PLCE1: variants seen among roughly 807,000 people sequenced by gnomAD.
The protein encoded by PLCE1 is 1-phosphatidylinositol 4,5-bisphosphate phosphodiesterase epsilon-1.
PLCE1 carries 119 observed loss-of-function variants against 242.8 expected under a neutral mutation model. The ratio of observed to expected loss-of-function variants is 0.49; its 90% CI spans 0.42 to 0.57. The LOEUF is 0.57. Ranked by LOEUF, PLCE1 falls within the 20% of genes least tolerant of loss-of-function variation. PLCE1 has a pLI of 0.00. For synonymous variants in PLCE1, 945 were observed against 1,017.4 expected (o/e 0.93, Z 1.35); for missense variants, 2,441 against 2,788.8 (o/e 0.88, Z 2.81).
Position 94,265,882 on chromosome 10 carries a change from A to T in PLCE1, c.4205A>T (p.Tyr1402Phe). The T allele has an allele frequency of 6.2e-7, 1 of 1,614,044 alleles. No homozygotes were observed. Among genetic ancestry groups the T allele is most frequent in the Non-Finnish European group, 8.5e-7 (1 of 1,179,910 alleles). Residue 1402 changes from tyrosine (Y) to phenylalanine (F), a missense_variant, in exon 16 of 33, where the codon TAC becomes TTC. Transcript: ENST00000371380. Reference sequence around the variant, plus strand: ...CTGCAGCTACCCCTCTCATACTATTACATCGAATCTTCGCACAATACCTAC... The same window carrying T: ...CTGCAGCTACCCCTCTCATACTATTTCATCGAATCTTCGCACAATACCTAC... ...KELQLPLSYY[Y>F]IESSHNTYLT...
intron 1 of PLCE1, among the ~76,000 whole-genome samples, chr10:94,026,331 A>G (rs186346338): frequency 6.6e-6 from 1 of 152,234 alleles, no homozygotes; most frequent in African/African-American, 2.4e-5. Flanking sequence ...GATTGGACAT[A>G]CTATCTTGAC....
In PLCE1 at chr10:94,322,009, A is replaced by G; in HGVS notation, c.6451A>G (p.Thr2151Ala). ...VHDVSPEQPR[T>A]VIKAPRVSTA... ...TGATGTTTCTCCAGAGCAACCTCGA[A>G]CAGTCATCAAAGCACCCCGCGTCAG... is the stretch of plus-strand genomic sequence containing the variant. The change falls in exon 30 of 33, where the codon ACA (threonine) becomes GCA (alanine). Residue 2151 changes from threonine (T) to alanine (A), a missense_variant. Coordinates refer to ENST00000371380, the MANE Select transcript of PLCE1 (RefSeq NM_016341.4). The G allele has an allele frequency of 1.2e-6, 2 of 1,614,144 alleles. No homozygotes were observed. Among genetic ancestry groups the G allele is most frequent in the Non-Finnish European group, 1.7e-6 (2 of 1,179,994 alleles).
At chr10:94,139,980 T>C (rs1007543570) in intron 3 of PLCE1, among the ~76,000 whole-genome samples, 5 of 152,176 alleles carry the variant, frequency 3.3e-5, no homozygotes, top group Admixed American at 6.5e-5. Context: ...CAGGTGCAGA[T>C]TGGTAGTCTA....
At chr10:94,165,439 A>T (rs2047765649) in intron 3 of PLCE1, among the ~76,000 whole-genome samples, 1 of 152,196 alleles carries the variant, frequency 6.6e-6, no homozygotes. Flanking sequence ...CAGGCGTGGG[A>T]TACAATCTCC....
chr10:94,089,290 G>T (rs1230196396), intron 2 of PLCE1: 3 of 1,613,908 alleles, frequency 1.9e-6, no homozygotes, highest in South Asian at 1.1e-5. Context: ...TGTCTTGAAG[G>T]TTGGTTGGCT....
At chr10:94,002,778 C>A (rs1016550883) in intron 1 of PLCE1, among the ~76,000 whole-genome samples, 6 of 152,098 alleles carry the variant, frequency 3.9e-5, no homozygotes, top group Non-Finnish European at 8.8e-5. Context: ...AGCTGGGGAG[C>A]AGTAGAATGG....
At chr10:94,173,252 G>A (rs1160899300) in intron 4 of PLCE1, among the ~76,000 whole-genome samples, 3 of 152,172 alleles carry the variant, frequency 2.0e-5, no homozygotes, top group Non-Finnish European at 2.9e-5. Context: ...GATTGCACTG[G>A]GGGGTGGTGC....
rs2051502467 is a variant in PLCE1 at position 94,266,032 on chromosome 10, C to A, written c.4281+74C>A. On this transcript the variant is annotated intron_variant, in intron 16 of 32. Coordinates refer to ENST00000371380, the MANE Select transcript of PLCE1 (RefSeq NM_016341.4). ...TATGTAACCCCCAAAGTCAAAAAAA[C>A]CTGACCCCAGACTCCTTTGAAGAGC... 8 of 1,426,724 alleles carry A rather than the reference C, an allele frequency of 5.6e-6. No homozygotes were observed. In the Admixed American group the frequency reaches 8.5e-5, roughly 15 times the overall value. 88.4% of individuals were successfully genotyped at this position (1,426,724 alleles called of 1,614,324 possible).
chr10:94,223,233 C>CAAAAAAAAAAAAAAAA lies in PLCE1; in HGVS notation c.1810-4069_1810-4054dup, dbSNP rs60764243. Among the ~76,000 whole-genome samples the CAAAAAAAAAAAAAAAA allele has an allele frequency of 2.6e-3, 234 of 90,844 alleles. 11 individuals are homozygous for CAAAAAAAAAAAAAAAA. Among genetic ancestry groups the CAAAAAAAAAAAAAAAA allele is most frequent in the African/African-American group, 0.011 (224 of 20,956 alleles). 59.6% of individuals were successfully genotyped at this position (90,844 alleles called of 152,430 possible). On this transcript the variant is annotated intron_variant, in intron 4 of 32. Coordinates refer to ENST00000371380, the MANE Select transcript of PLCE1 (RefSeq NM_016341.4). ...GCAACATAGTGATACTCCATCTCTA[C>CAAAAAAAAAAAAAAAA]AAAAAAAAAAAAAAAAAAATTGAAT...
intron 2 of PLCE1, among the ~76,000 whole-genome samples, chr10:94,042,149 T>G (rs1589902760): frequency 6.6e-6 from 1 of 152,104 alleles, no homozygotes; most frequent in African/African-American, 2.4e-5. Context: ...GAGTTTCAGG[T>G]TGAGTATTCT....
intron 2 of PLCE1, among the ~76,000 whole-genome samples, chr10:94,080,740 G>T (rs1481645126): frequency 1.3e-5 from 2 of 152,088 alleles, no homozygotes; most frequent in Admixed American, 1.3e-4. Context: ...GTATTCTGTT[G>T]TTTCTTAATA....
At chr10:94,000,007 CAG>C (rs1280754896) in intron 1 of PLCE1, among the ~76,000 whole-genome samples, 1 of 152,178 alleles carries the variant, frequency 6.6e-6, no homozygotes, top group Non-Finnish European at 1.5e-5. Flanking sequence ...TGGTTGGGAA[CAG>C]GGGTTTTCAA....
chr10:94,287,857 T>C (rs2052514249), intron 22 of PLCE1, among the ~76,000 whole-genome samples: 1 of 152,092 alleles, frequency 6.6e-6, no homozygotes, highest in South Asian at 2.1e-4. Context: ...GTCTTTCTAG[T>C]GCCAGGCCAT....
intron 7 of PLCE1, among the ~76,000 whole-genome samples, chr10:94,238,350 G>A (rs138210149): frequency 6.6e-6 from 1 of 152,330 alleles, no homozygotes; most frequent in Admixed American, 6.5e-5. Context: ...AAGTAGGCTT[G>A]TCTAACTTCT....
intron 4 of PLCE1, among the ~76,000 whole-genome samples, chr10:94,219,383 T>G (rs749563963): frequency 6.6e-6 from 1 of 152,210 alleles, no homozygotes; most frequent in Non-Finnish European, 1.5e-5. Context: ...AAAATCTATC[T>G]TCATCTTTTC....
intron 2 of PLCE1, among the ~76,000 whole-genome samples, chr10:94,062,608 T>TG (rs11463084): frequency 0.39 from 57,300 of 146,594 alleles, 14,304 homozygotes; most frequent in African/African-American, 0.73. Context: ...TGTTTTGTTT[T>TG]TTTTTTTAGA....
intron 2 of PLCE1, among the ~76,000 whole-genome samples, chr10:94,063,570 C>T (rs935379695): frequency 8.5e-5 from 13 of 152,208 alleles, no homozygotes; most frequent in African/African-American, 2.9e-4. Flanking sequence ...AGCACATTTT[C>T]TTGTCCTTAT....
chr10:94,101,969 G>C (rs2045554952), intron 2 of PLCE1, among the ~76,000 whole-genome samples: 1 of 152,202 alleles, frequency 6.6e-6, no homozygotes, highest in South Asian at 2.1e-4. Flanking sequence ...ACTCGGATGA[G>C]TGGGGCTGCA....
chr10:94,029,843 G>A lies in PLCE1; in HGVS notation c.-364-840G>A, dbSNP rs117866469. On this transcript the variant is annotated intron_variant, in intron 1 of 32. Coordinates refer to ENST00000371380, the MANE Select transcript of PLCE1 (RefSeq NM_016341.4). ...AGCGTGACTGCTGATTAGTTTTCTC[G>A]GGAGCAACTGCTTCTCCTGGAAGGG... Among the ~76,000 whole-genome samples the A allele has an allele frequency of 4.3e-3, 654 of 152,206 alleles. 2 individuals carry two copies. Among genetic ancestry groups the A allele is most frequent in the Middle Eastern group, 6.8e-3 (2 of 294 alleles).
Sources: gnomAD v4.1 joint callset for allele counts (sites outside exome capture counted in the v4.1 genomes callset) on GRCh38, gnomAD v4.1.1 for gene constraint, MANE v1.5 for transcripts, NCBI Gene and HGNC (gene_info 2026-07-23, HGNC 2026-07-21) for gene names.